Variants in CGAS observed in about 807,000 individuals in gnomAD.
CGAS encodes 2'3'-cGAMP synthase.
Under a neutral mutation model 34.0 loss-of-function variants are expected in CGAS, and 31 were observed. The observed-to-expected ratio is 0.91, with a 90% confidence interval of 0.69 to 1.23. CGAS has a LOEUF of 1.23. Ranked by LOEUF, CGAS falls within the 50% of genes most tolerant of loss-of-function variation. CGAS has a pLI of 0.00. For missense variants in CGAS, 597 were observed against 657.6 expected, an observed-to-expected ratio of 0.91 and a Z score of 1.01; for synonymous variants, 266 against 260.0, an observed-to-expected ratio of 1.02 and a Z score of -0.22.
At chr6:73,425,944 AGCCTGG>A (rs1305609267) in intron 4 of CGAS, among the ~76,000 whole-genome samples, 14 of 152,004 alleles carry the variant, frequency 9.2e-5, no homozygotes, top group Admixed American at 9.2e-4. Context: ...ATTGCACTCC[AGCCTGG>A]GCAACAAGAA....
chr6:73,452,071 A>G lies in CGAS; in HGVS notation c.111T>C (p.Ser37=), dbSNP rs1460001697. 1.9e-6 allele frequency: 3 copies of G among 1,550,388 alleles called. No individual in the cohort carries two copies. In the African/African-American group the frequency reaches 4.1e-5, roughly 21 times the overall value. Residue 37 remains serine (S), a synonymous_variant, in exon 1 of 5, where the codon TCT becomes TCC. Coordinates refer to ENST00000370315, the MANE Select transcript of CGAS (RefSeq NM_138441.3). ...GCAGGGCGGCCTCGGGGGCAGCCGGAGACTCGGTGGGATCCATCGGGGCGC... is the reference window on the plus strand; with the variant it reads ...GCAGGGCGGCCTCGGGGGCAGCCGGGGACTCGGTGGGATCCATCGGGGCGC... ...ARGAPMDPTE[S]PAAPEAALPK...
Position 73,427,500 on chromosome 6 carries a change from A to T in CGAS, c.1217+1209T>A, listed in dbSNP as rs1299406735. ...TTTTTAGTAGAGACGGGGTTTCGCCACGTAGGCCAGGCTGGTCTCGAATTC... is the reference window on the plus strand; with the variant it reads ...TTTTTAGTAGAGACGGGGTTTCGCCTCGTAGGCCAGGCTGGTCTCGAATTC... On this transcript the variant is annotated intron_variant, in intron 4 of 4. Transcript: ENST00000370315. Among the ~76,000 whole-genome samples, 3 of 151,800 alleles carry T rather than the reference A, an allele frequency of 2.0e-5. No homozygotes were observed. The East Asian group carries it at 5.9e-4, about 30-fold the overall frequency.
chr6:73,436,889 G>A (rs1260797309), intron 3 of CGAS, among the ~76,000 whole-genome samples: 4 of 152,056 alleles, frequency 2.6e-5, no homozygotes, highest in South Asian at 2.1e-4. Context: ...GGTGGCTCAC[G>A]CCTGTAATCC....
chr6:73,432,455 C>T (rs889408770), intron 3 of CGAS, among the ~76,000 whole-genome samples: 6 of 151,444 alleles, frequency 4.0e-5, no homozygotes, highest in Admixed American at 3.3e-4. Context: ...GCCACCGCTC[C>T]CAGTCATTGA....
chr6:73,442,597 C>CTTTTTTTT (rs66905880), intron 2 of CGAS, among the ~76,000 whole-genome samples: 2 of 131,496 alleles, frequency 1.5e-5, no homozygotes, highest in Non-Finnish European at 3.2e-5. Context: ...TTTTTTCTTT[C>CTTTTTTTT]TTTTTTTTTT....
At chr6:73,449,106 GAAAAAGAA>G (rs1770518311) in intron 1 of CGAS, among the ~76,000 whole-genome samples, 1 of 151,434 alleles carries the variant, frequency 6.6e-6, no homozygotes, top group African/African-American at 2.4e-5. Context: ...AAAGAAAAAA[GAAAAAGAA>G]AAAAAGAAAA....
At chr6:73,437,081 G>A (rs146079371) in intron 3 of CGAS, among the ~76,000 whole-genome samples, 2 of 152,236 alleles carry the variant, frequency 1.3e-5, no homozygotes, top group African/African-American at 4.8e-5. Flanking sequence ...GAACCTGGGA[G>A]GCGAAGGCTG....
Position 73,440,257 on chromosome 6 carries a change from G to A in CGAS, c.1066C>T (p.Pro356Ser). The change falls in exon 3 of 5, where the codon CCA (proline) becomes TCA (serine). Residue 356 changes from proline (P) to serine (S), a missense_variant. Physicochemically the swap from Pro to Ser is moderately conservative, Grantham distance 74. Coordinates refer to ENST00000370315, the MANE Select transcript of CGAS (RefSeq NM_138441.3). The stretch of plus-strand genomic sequence containing the variant: ...GCATGCTTGGGTACAAGGTAAAATG[G>A]CTTTAGTCGTAGTTGCTTCCTAACT... ...AKVRKQLRLK[P>S]FYLVPKHAKE... 6.2e-7 allele frequency: 1 copy of A among 1,614,108 alleles called. No individual in the cohort carries two copies. The highest frequency in any genetic ancestry group is 1.1e-5 in the South Asian group (1 of 91,086).
chr6:73,431,426 G>A (rs1348099988), intron 3 of CGAS, among the ~76,000 whole-genome samples: 4 of 151,986 alleles, frequency 2.6e-5, no homozygotes, highest in Non-Finnish European at 4.4e-5. Context: ...AGCCAAGATC[G>A]GGCGATTGCA....
intron 3 of CGAS, among the ~76,000 whole-genome samples, chr6:73,431,613 G>T (rs1770196640): frequency 6.6e-6 from 1 of 152,174 alleles, no homozygotes; most frequent in Non-Finnish European, 1.5e-5. Context: ...TGAGTAAATT[G>T]AAGTAAATTG....
At chr6:73,426,622 C>A (rs1273235406) in intron 4 of CGAS, among the ~76,000 whole-genome samples, 1 of 151,364 alleles carries the variant, frequency 6.6e-6, no homozygotes, top group Non-Finnish European at 1.5e-5. Context: ...CCCTCACCCC[C>A]CTCAAGCGAT....
At chr6:73,450,746 T>C (rs1770550599) in intron 1 of CGAS, among the ~76,000 whole-genome samples, 1 of 151,884 alleles carries the variant, frequency 6.6e-6, no homozygotes, top group Non-Finnish European at 1.5e-5. Context: ...CCCAGCACTT[T>C]GAGAGGCCGA....
chr6:73,445,733 A>C lies in CGAS; in HGVS notation c.672T>G (p.Asn224Lys), dbSNP rs1770458263. 6.2e-7 allele frequency: 1 copy of C among 1,607,164 alleles called. No homozygotes were observed. Among genetic ancestry groups the C allele is most frequent in the Admixed American group, 1.7e-5 (1 of 59,110 alleles). ...YYEHVKISAP[N>K]EFDVMFKLEV... is the part of the protein sequence containing the mutation. ...CCAGTTTAAACATGACATCAAATTC[A>C]TTAGGTGCAGAAATCTAAGAAACAG... Residue 224 changes from asparagine to lysine, a missense_variant, in exon 2 of 5, where the codon AAT (asparagine) becomes AAG (lysine). Around this residue, in one of 3 missense-constraint regions of CGAS, gnomAD observed 5 missense variants for 19.2 expected, o/e 0.26. Transcript: ENST00000370315.
chr6:73,439,775 G>A (rs1400568350), intron 3 of CGAS: 1 of 160,980 alleles, frequency 6.2e-6, no homozygotes, highest in Non-Finnish European at 1.4e-5. Flanking sequence ...AACAGAATTG[G>A]CCACAGAACT....
At chr6:73,440,904 A>G (rs188364399) in intron 2 of CGAS, among the ~76,000 whole-genome samples, 18 of 152,008 alleles carry the variant, frequency 1.2e-4, no homozygotes, top group Non-Finnish European at 2.4e-4. Context: ...TCTGTCTCAA[A>G]AAAGAAAAAA....
intron 3 of CGAS, among the ~76,000 whole-genome samples, chr6:73,438,827 G>T (rs1770325148): frequency 6.6e-6 from 1 of 152,146 alleles, no homozygotes; most frequent in South Asian, 2.1e-4. Context: ...GATGGTATGG[G>T]GTCCTGTTGC....
intron 2 of CGAS, among the ~76,000 whole-genome samples, chr6:73,443,535 G>A (rs1318280873): frequency 6.6e-6 from 1 of 152,080 alleles, no homozygotes; most frequent in African/African-American, 2.4e-5. Flanking sequence ...ACGGCGCCTG[G>A]CTCTTCCCAA....
intron 3 of CGAS, among the ~76,000 whole-genome samples, chr6:73,434,135 C>T (rs754909669): frequency 2.6e-5 from 4 of 152,154 alleles, no homozygotes; most frequent in Middle Eastern, 3.2e-3. Flanking sequence ...TTTAATGGGA[C>T]AGAATAAAGA....
chr6:73,448,218 C>A (rs1770500912), intron 1 of CGAS, among the ~76,000 whole-genome samples: 1 of 152,004 alleles, frequency 6.6e-6, no homozygotes, highest in South Asian at 2.1e-4. Flanking sequence ...ATGGAGAAAC[C>A]CCATCTCTAC....
Sources: allele counts gnomAD v4.1 joint callset (sites outside exome capture counted in the v4.1 genomes callset), GRCh38; gene constraint gnomAD v4.1.1; regional missense constraint gnomAD v4.1.1; transcripts MANE v1.5; gene names NCBI Gene and HGNC (gene_info 2026-07-23, HGNC 2026-07-21).